The following TOX variants were observed in gnomAD, a reference collection of about 807,000 sequenced individuals.
TOX encodes the protein thymocyte selection associated high mobility group box, also known as thymocyte selection-associated high mobility group box protein TOX.
In TOX, 11 loss-of-function variants were observed where a neutral mutation model predicts 53.7. The ratio of observed to expected loss-of-function variants is 0.20; its 90% CI spans 0.13 to 0.34. The LOEUF (loss-of-function observed/expected upper bound fraction) is 0.34. Among genes scored for constraint, TOX ranks in the 10% least tolerant of loss-of-function variants. The pLI is 1.00. For synonymous variants in TOX, 225 were observed against 245.3 expected, an observed-to-expected ratio of 0.92 and a Z score of 0.77; for missense variants, 570 against 664.6, an observed-to-expected ratio of 0.86 and a Z score of 1.56.
rs182068315 is a variant in TOX, at chr8:58,894,126, T to C, written c.412-42321A>G. Among the ~76,000 whole-genome samples, 226 of 152,356 alleles carry C rather than the reference T, an allele frequency of 1.5e-3. 1 individual carries two copies. Among genetic ancestry groups the C allele is most frequent in the Non-Finnish European group, 2.2e-3 (149 of 68,036 alleles). ...ATCATATCCAATTGCACTCGTGTGC[T>C]TTGAAATAATAGTGCAAGGGCCTTA... On this transcript the variant is annotated intron_variant, in intron 3 of 8. Transcript: ENST00000361421.
intron 4 of TOX, among the ~76,000 whole-genome samples, chr8:58,848,947 A>G (rs1165334509): frequency 6.6e-6 from 1 of 152,114 alleles, no homozygotes; most frequent in African/African-American, 2.4e-5. Context: ...TGTTTAGTTC[A>G]CTTGTTAGAA....
chr8:59,073,799 C>T (rs1010581877), intron 1 of TOX, among the ~76,000 whole-genome samples: 1 of 152,066 alleles, frequency 6.6e-6, no homozygotes, highest in Non-Finnish European at 1.5e-5. Flanking sequence ...AGACTCAATT[C>T]ACCCCTCTGC....
intron 3 of TOX, among the ~76,000 whole-genome samples, chr8:58,886,377 A>G (rs1811468299): frequency 6.6e-6 from 1 of 152,146 alleles, no homozygotes; most frequent in Admixed American, 6.6e-5. Context: ...AAATTTTCTG[A>G]AAGTGTTGAC....
chr8:59,058,676 A>T (rs888661654), intron 1 of TOX, among the ~76,000 whole-genome samples: 33 of 152,094 alleles, frequency 2.2e-4, no homozygotes, highest in African/African-American at 8.0e-4. Flanking sequence ...GCTGACTATG[A>T]TGAGTTGTGC....
Position 58,806,738 on chromosome 8 carries a change from GC to G in TOX, c.*1008del, listed in dbSNP as rs1386693531. 1 of 152,160 alleles carries G rather than the reference GC, an allele frequency of 6.6e-6. No individual in the cohort carries two copies. Among genetic ancestry groups the G allele is most frequent in the Non-Finnish European group, 1.5e-5 (1 of 67,930 alleles). 9.4% of individuals were successfully genotyped at this position (152,160 alleles called of 1,614,324 possible). A position where few individuals can be genotyped will look rare whatever the true frequency, so the allele number is the denominator to read the frequency against. ...ACCAAGCGTGAATTTTTTTTTGCCA[GC>G]AAAAGTTAAAACATCAAAGAAACCT... On this transcript the variant is annotated 3_prime_UTR_variant, in exon 9 of 9. Coordinates refer to ENST00000361421, the MANE Select transcript of TOX (RefSeq NM_014729.3).
In TOX at chr8:59,094,327, T is replaced by C. The variant is rs1007191530; in HGVS notation, c.102+24559A>G. On this transcript the variant is annotated intron_variant, in intron 1 of 8. Transcript: ENST00000361421. ...TGTAAAAATTAGTATGAGTATTACA[T>C]AACTACAATATTAAATTAGCATATA... Among the ~76,000 whole-genome samples the C allele has an allele frequency of 3.9e-5, 6 of 152,080 alleles. No homozygotes were observed. The South Asian group carries it at 1.2e-3, about 31-fold the overall frequency.
At chr8:59,075,937 G>A (rs558843920) in intron 1 of TOX, among the ~76,000 whole-genome samples, 15 of 151,786 alleles carry the variant, frequency 9.9e-5, no homozygotes, top group Non-Finnish European at 1.8e-4. Flanking sequence ...CCCGGGAGGC[G>A]GAGGTTGCGG....
At chr8:59,005,082 A>G (rs1813764023) in intron 1 of TOX, among the ~76,000 whole-genome samples, 1 of 151,450 alleles carries the variant, frequency 6.6e-6, no homozygotes, top group Admixed American at 6.6e-5. Flanking sequence ...TCTGTCGCCC[A>G]GGCTAGAGTG....
intron 6 of TOX, among the ~76,000 whole-genome samples, chr8:58,825,875 A>G (rs1026288154): frequency 1.3e-4 from 20 of 152,210 alleles, no homozygotes; most frequent in African/African-American, 4.6e-4. Context: ...AGATAATACA[A>G]AAAAGCTAGA....
chr8:58,959,104 T>C (rs942818588), intron 2 of TOX, among the ~76,000 whole-genome samples: 2 of 152,228 alleles, frequency 1.3e-5, no homozygotes, highest in South Asian at 4.1e-4. Context: ...TTTACCATTC[T>C]AGAAAAAACA....
intron 2 of TOX, 71 bp downstream of exon 2, chr8:58,959,872 A>G (rs903498536): frequency 1.3e-6 from 2 of 1,485,874 alleles, no homozygotes; most frequent in East Asian, 2.3e-5. Context: ...AGTGCTACTC[A>G]TTTGCAATGC....
intron 1 of TOX, among the ~76,000 whole-genome samples, chr8:58,984,647 G>A (rs1813289140): frequency 6.6e-6 from 1 of 152,186 alleles, no homozygotes; most frequent in Middle Eastern, 3.4e-3. Flanking sequence ...GCTGGGTGTG[G>A]TGGCGGGCGT....
intron 1 of TOX, among the ~76,000 whole-genome samples, chr8:59,007,986 T>A (rs919513818): frequency 2.0e-5 from 3 of 152,276 alleles, no homozygotes; most frequent in African/African-American, 7.2e-5. Flanking sequence ...TACATATCTT[T>A]GACCTGTTTC....
At chr8:58,846,227 T>C (rs1203422286) in intron 4 of TOX, among the ~76,000 whole-genome samples, 1 of 152,112 alleles carries the variant, frequency 6.6e-6, no homozygotes, top group East Asian at 1.9e-4. Context: ...TAGAATACTT[T>C]TTTTTTAAAA....
intron 1 of TOX, among the ~76,000 whole-genome samples, chr8:59,007,410 G>A (rs1765282089): frequency 6.6e-6 from 1 of 152,110 alleles, no homozygotes; most frequent in Admixed American, 6.5e-5. Flanking sequence ...TCCAGGGGAA[G>A]GCAATGTGTG....
intron 1 of TOX, among the ~76,000 whole-genome samples, chr8:59,056,668 T>G (rs988458021): frequency 1.3e-5 from 2 of 152,092 alleles, no homozygotes; most frequent in Non-Finnish European, 2.9e-5. Context: ...TATAAAAAAA[T>G]GCACATCAAT....
chr8:58,984,124 T>C (rs1174389043), intron 1 of TOX, among the ~76,000 whole-genome samples: 1 of 152,190 alleles, frequency 6.6e-6, no homozygotes, highest in African/African-American at 2.4e-5. Context: ...TTCTCTGGTG[T>C]GACTCCAAGA....
At chr8:59,016,212 C>T (rs1409758782) in intron 1 of TOX, among the ~76,000 whole-genome samples, 3 of 152,204 alleles carry the variant, frequency 2.0e-5, no homozygotes, top group East Asian at 3.9e-4. Flanking sequence ...AATTCAAAAA[C>T]AAGCATCACT....
intron 1 of TOX, among the ~76,000 whole-genome samples, chr8:58,969,936 C>T (rs1812973079): frequency 6.6e-6 from 1 of 152,116 alleles, no homozygotes; most frequent in Non-Finnish European, 1.5e-5. Context: ...CATGTGATGC[C>T]CTTTTGCTGA....
Sources: gnomAD v4.1 joint callset for allele counts (sites outside exome capture counted in the v4.1 genomes callset) on GRCh38, gnomAD v4.1.1 for gene constraint, MANE v1.5 for transcripts, NCBI Gene and HGNC (gene_info 2026-07-23, HGNC 2026-07-21) for gene names.